Variants in CCDC92B observed in about 807,000 individuals in gnomAD.
The protein encoded by CCDC92B is coiled-coil domain-containing 92B.
CCDC92B carries 2 observed loss-of-function variants against 5.6 expected under a neutral mutation model. The observed-to-expected ratio is 0.36, with a 90% CI of 0.15 to 1.12. The LOEUF (loss-of-function observed/expected upper bound fraction) is 1.12. Among genes scored for constraint, CCDC92B ranks in the 50% most tolerant of loss-of-function variants. CCDC92B has a pLI of 0.40. For synonymous variants in CCDC92B, 115 were observed against 122.3 expected, an observed-to-expected ratio of 0.94 and a Z score of 0.39; for missense variants, 271 against 262.2, an observed-to-expected ratio of 1.03 and a Z score of -0.23.
rs2070669152 is a variant in CCDC92B at position 2,722,485 on chromosome 17, C to T, written c.*1926G>A. On this transcript the variant is annotated 3_prime_UTR_variant, in exon 4 of 4. Transcript: ENST00000614400. ...CCAGGCGTGGTTATTGCTCAGTGGTCTTGGGCAGTCCCGAGTGGCGTCAGC... is the reference window on the plus strand; with the variant it reads ...CCAGGCGTGGTTATTGCTCAGTGGTTTTGGGCAGTCCCGAGTGGCGTCAGC... 2.0e-5 allele frequency: 3 copies of T among 152,310 alleles called. No individual in the cohort carries two copies. The highest frequency in any genetic ancestry group is 4.8e-5 in the African/African-American group (2 of 41,452). The allele number at this position is 152,310 out of a possible 1,614,324, so 9.4% of individuals were successfully genotyped here.
At chr17:2,746,330 T>C (rs1045058896) in intron 1 of CCDC92B, among the ~76,000 whole-genome samples, 9 of 152,162 alleles carry the variant, frequency 5.9e-5, no homozygotes, top group East Asian at 1.9e-4. Flanking sequence ...TTTAAAAAAA[T>C]TGTTACCAAA....
intron 1 of CCDC92B, among the ~76,000 whole-genome samples, chr17:2,741,443 A>G (rs1053798111): frequency 1.3e-5 from 2 of 151,878 alleles, no homozygotes; most frequent in Non-Finnish European, 2.9e-5. Context: ...TTGGAAGGCC[A>G]AGGCGGGCAG....
intron 1 of CCDC92B, among the ~76,000 whole-genome samples, chr17:2,742,945 C>A (rs2070939758): frequency 6.6e-6 from 1 of 152,204 alleles, no homozygotes. Flanking sequence ...GTCAATCCAT[C>A]TGCAAATCCT....
rs2070674826 is a variant in CCDC92B, at chr17:2,723,029, G to C, written c.*1382C>G. On this transcript the variant is annotated 3_prime_UTR_variant, in exon 4 of 4. Coordinates refer to ENST00000614400, the MANE Select transcript of CCDC92B (RefSeq NM_001355573.2). Reference sequence around the variant, plus strand: ...ACGTCGCCATTCCCCAGGCTAGACAGCAGGGAACTGAGCAGCCCGCCACTG... The same window carrying C: ...ACGTCGCCATTCCCCAGGCTAGACACCAGGGAACTGAGCAGCCCGCCACTG... The C allele has an allele frequency of 1.3e-5, 2 of 152,568 alleles. No homozygotes were observed. The highest frequency in any genetic ancestry group is 2.4e-5 in the African/African-American group (1 of 41,446). The allele number at this position is 152,568 out of a possible 1,614,324, so 9.5% of individuals were successfully genotyped here. A position where few individuals can be genotyped will look rare whatever the true frequency, so the allele number is the denominator to read the frequency against.
intron 1 of CCDC92B, among the ~76,000 whole-genome samples, chr17:2,742,831 G>C (rs1322072359): frequency 6.6e-6 from 1 of 152,162 alleles, no homozygotes; most frequent in African/African-American, 2.4e-5. Context: ...CTTGACCACT[G>C]TTCGCCATCT....
chr17:2,733,857 C>G (rs575906533), intron 2 of CCDC92B, among the ~76,000 whole-genome samples: 2 of 143,144 alleles, frequency 1.4e-5, no homozygotes, highest in South Asian at 4.6e-4. Context: ...CTCCCAGGTT[C>G]AAGCGATTCT....
chr17:2,739,853 A>G (rs577247701), intron 1 of CCDC92B, among the ~76,000 whole-genome samples: 1 of 151,980 alleles, frequency 6.6e-6, no homozygotes, highest in Non-Finnish European at 1.5e-5. Context: ...TCACTTTCTC[A>G]TTCACTCATT....
At chr17:2,732,320 T>C (rs747323748) in intron 2 of CCDC92B, among the ~76,000 whole-genome samples, 10 of 152,082 alleles carry the variant, frequency 6.6e-5, no homozygotes, top group Non-Finnish European at 1.3e-4. Flanking sequence ...CCCCTTATCT[T>C]CTCCCTTCTC....
At chr17:2,736,103 G>A (rs1453688570) in intron 1 of CCDC92B, among the ~76,000 whole-genome samples, 1 of 152,164 alleles carries the variant, frequency 6.6e-6, no homozygotes, top group South Asian at 2.1e-4. Context: ...CACTGACTCT[G>A]GGCTGAAGGC....
At position 2,747,602 on chromosome 17, in the gene CCDC92B, C is replaced by T. The variant is rs185584951; in HGVS notation, c.-24+1809G>A. On this transcript the variant is annotated intron_variant, in intron 1 of 3. Coordinates refer to ENST00000614400, the MANE Select transcript of CCDC92B (RefSeq NM_001355573.2). ...ATTAGCAGGGCATGATGGCACGCAC[C>T]TGTAGTACCAGCTACTCGGGAGGCT... 3.9e-4 allele frequency among the ~76,000 whole-genome samples: 59 copies of T among 152,286 alleles called. 1 individual carries two copies. Among genetic ancestry groups the T allele is most frequent in the Admixed American group, 9.8e-4 (15 of 15,284 alleles).
At chr17:2,739,082 A>C (rs2070891095) in intron 1 of CCDC92B, among the ~76,000 whole-genome samples, 2 of 145,516 alleles carry the variant, frequency 1.4e-5, no homozygotes, top group Admixed American at 1.4e-4. Flanking sequence ...AAAATAAATA[A>C]ATAGGGCGGG....
intron 1 of CCDC92B, among the ~76,000 whole-genome samples, chr17:2,741,474 C>T (rs1186726995): frequency 1.3e-5 from 2 of 150,300 alleles, no homozygotes; most frequent in Non-Finnish European, 2.9e-5. Context: ...GTCAGGAGAT[C>T]GAGACCAGCC....
rs553118363 is a variant in CCDC92B, at chr17:2,743,135, C to A, written c.-24+6276G>T. On this transcript the variant is annotated intron_variant, in intron 1 of 3. Transcript: ENST00000614400. ...CATGCAGGAGCCAGAATTCCTTTAA[C>A]AAATATAAGTCGGGTCAGGCACGGT... Among the ~76,000 whole-genome samples, 4 of 152,252 alleles carry A rather than the reference C, an allele frequency of 2.6e-5. No homozygotes were observed. In the South Asian group the frequency reaches 8.3e-4, roughly 32 times the overall value.
chr17:2,729,648 G>GA (rs999423704), intron 3 of CCDC92B, among the ~76,000 whole-genome samples: 1 of 152,174 alleles, frequency 6.6e-6, no homozygotes, highest in Non-Finnish European at 1.5e-5. Flanking sequence ...AATTGTGGGG[G>GA]AAAAAATGAC....
intron 1 of CCDC92B, chr17:2,748,610 G>A (rs1269209010): frequency 2.0e-6 from 2 of 984,854 alleles, no homozygotes; most frequent in African/African-American, 3.5e-5. Context: ...TTGTCTCTGG[G>A]AATCTCTTGC....
intron 3 of CCDC92B, among the ~76,000 whole-genome samples, chr17:2,728,469 G>C (rs533234555): frequency 1.3e-5 from 2 of 152,202 alleles, no homozygotes; most frequent in African/African-American, 4.8e-5. Context: ...AGCCGGGCGT[G>C]GTGGCGGGCG....
chr17:2,736,918 C>A (rs1215987661), intron 1 of CCDC92B, among the ~76,000 whole-genome samples: 3 of 141,710 alleles, frequency 2.1e-5, no homozygotes, highest in African/African-American at 8.7e-5. Context: ...AAATAAAATA[C>A]ATACATACAT....
intron 2 of CCDC92B, among the ~76,000 whole-genome samples, chr17:2,734,655 A>G (rs1327358915): frequency 6.6e-6 from 1 of 151,818 alleles, no homozygotes; most frequent in Non-Finnish European, 1.5e-5. Flanking sequence ...GTAACCAGCT[A>G]ATTTTTTGTA....
At position 2,735,152 on chromosome 17, in the gene CCDC92B, C is replaced by T; in HGVS notation, c.-7G>A. 1 of 985,576 alleles carries T rather than the reference C, an allele frequency of 1.0e-6. No homozygotes were observed. Among genetic ancestry groups the T allele is most frequent in the South Asian group, 4.7e-5 (1 of 21,288 alleles). The allele number at this position is 985,576 out of a possible 1,614,324, so 61.1% of individuals were successfully genotyped here. ...CCAGGGACACGGTATCCATGGCAAC[C>T]CAGGCCTGGGCCCCACCTAGGGAGG... On this transcript the variant is annotated 5_prime_UTR_variant, in exon 2 of 4. Transcript: ENST00000614400.
Sources: allele counts gnomAD v4.1 joint callset (sites outside exome capture counted in the v4.1 genomes callset), GRCh38; gene constraint gnomAD v4.1.1; transcripts MANE v1.5; gene names NCBI Gene and HGNC (gene_info 2026-07-23, HGNC 2026-07-21).